MICU3: variants seen among roughly 807,000 people sequenced by gnomAD.
MICU3 encodes the protein mitochondrial calcium uptake 3.
MICU3 carries 62 observed loss-of-function variants against 66.5 expected under a neutral mutation model. The ratio of observed to expected loss-of-function variants is 0.93; its 90% CI spans 0.76 to 1.15. The LOEUF (loss-of-function observed/expected upper bound fraction) is 1.15, where lower values mean the gene tolerates loss of function less well. Ranked by LOEUF, MICU3 falls within the 50% of genes most tolerant of loss-of-function variation. The pLI, the probability that MICU3 is intolerant of heterozygous loss-of-function variation, is 0.00. For missense variants in MICU3, 779 were observed against 664.4 expected (o/e 1.17, Z -1.90); for synonymous variants, 308 against 240.7 (o/e 1.28, Z -2.59).
At chr8:17,058,102 G>A (rs890801936) in intron 1 of MICU3, among the ~76,000 whole-genome samples, 4 of 152,010 alleles carry the variant, frequency 2.6e-5, no homozygotes, top group African/African-American at 7.3e-5. Context: ...CACCCGCCTC[G>A]GCCTCCAAAA....
At chr8:17,093,940 T>C (rs1043667866) in intron 8 of MICU3, among the ~76,000 whole-genome samples, 3 of 151,958 alleles carry the variant, frequency 2.0e-5, no homozygotes, top group Non-Finnish European at 2.9e-5. Context: ...ATAACCACCA[T>C]AGTATAGATC....
chr8:17,080,262 T>C (rs1820985528), intron 4 of MICU3, among the ~76,000 whole-genome samples: 1 of 152,154 alleles, frequency 6.6e-6, no homozygotes, highest in African/African-American at 2.4e-5. Context: ...TTCATTTTTC[T>C]TCCCTGTGGT....
At chr8:17,079,673 T>C (rs1820883587) in intron 4 of MICU3, among the ~76,000 whole-genome samples, 1 of 152,028 alleles carries the variant, frequency 6.6e-6, no homozygotes, top group South Asian at 2.1e-4. Context: ...TTTTGAGTTT[T>C]TGTAGAGACA....
intron 7 of MICU3, among the ~76,000 whole-genome samples, chr8:17,087,973 T>C (rs904948992): frequency 6.6e-6 from 1 of 152,062 alleles, no homozygotes; most frequent in Non-Finnish European, 1.5e-5. Context: ...TTCAGATAAC[T>C]AACTTCAGAG....
At chr8:17,092,865 A>G (rs1399296664) in intron 8 of MICU3, among the ~76,000 whole-genome samples, 1 of 152,048 alleles carries the variant, frequency 6.6e-6, no homozygotes, top group Non-Finnish European at 1.5e-5. Flanking sequence ...TCAAGTGTCT[A>G]ATCTGAGTAT....
At chr8:17,027,962 C>T (rs1336940599) in intron 1 of MICU3, among the ~76,000 whole-genome samples, 1 of 152,110 alleles carries the variant, frequency 6.6e-6, no homozygotes. Context: ...AAATGAAGGC[C>T]ATGACAGGCA....
chr8:17,103,879 A>G (rs374198040), intron 9 of MICU3, among the ~76,000 whole-genome samples: 39 of 151,886 alleles, frequency 2.6e-4, no homozygotes, highest in African/African-American at 8.9e-4. Context: ...TTAAAGTATC[A>G]TAACTGTGGA....
rs140822922 is a variant in MICU3 at position 17,070,183 on chromosome 8, G to A, written c.567+464G>A. 8.4e-3 allele frequency among the ~76,000 whole-genome samples: 1,278 copies of A among 152,022 alleles called. 12 individuals are homozygous for A. The highest frequency in any genetic ancestry group is 0.029 in the African/African-American group (1,207 of 41,508). On this transcript the variant is annotated intron_variant, in intron 3 of 14. Transcript: ENST00000318063. ...CTAGGGAAATTCTTGCTTATATGCA[G>A]GAGAGGTTCACAAGAATGTTTATAG...
chr8:17,046,393 G>C (rs1237045508), intron 1 of MICU3, among the ~76,000 whole-genome samples: 1 of 152,164 alleles, frequency 6.6e-6, no homozygotes, highest in African/African-American at 2.4e-5. Flanking sequence ...TGGTCTGAGA[G>C]CAGAGGAAAA....
chr8:17,104,480 A>G lies in MICU3; in HGVS notation c.1074A>G (p.Glu358=), dbSNP rs758140362. 2 of 1,432,432 alleles carry G rather than the reference A, an allele frequency of 1.4e-6. No homozygotes were observed. Among genetic ancestry groups the G allele is most frequent in the East Asian group, 4.7e-5 (2 of 42,170 alleles). The allele number at this position is 1,432,432 out of a possible 1,614,324, so 88.7% of individuals were successfully genotyped here. ...GKKGKAELNF[E]DFYRFMDNLQ... is the part of the protein sequence containing the mutation. ...AAGGAAAAGCTGAGCTCAACTTTGA[A>G]GATTTTTATAGGTGAGCTTATTTTT... Residue 358 remains glutamate (E), a synonymous_variant, in exon 10 of 15, where the codon GAA becomes GAG. Transcript: ENST00000318063.
At chr8:17,116,961 T>A (rs1802743383) in intron 13 of MICU3, among the ~76,000 whole-genome samples, 1 of 152,152 alleles carries the variant, frequency 6.6e-6, no homozygotes, top group Admixed American at 6.5e-5. Context: ...TTTGTCACTT[T>A]ATTTTATTTT....
chr8:17,138,415 G>A, the MICU3 span, among the ~76,000 whole-genome samples: 12 of 152,238 alleles, frequency 7.9e-5, 1 homozygote, highest in South Asian at 1.0e-3. Context: ...GGTGGACCAC[G>A]AGGAAATGAC....
At chr8:17,096,436 C>T (rs973176463) in intron 8 of MICU3, among the ~76,000 whole-genome samples, 2 of 151,926 alleles carry the variant, frequency 1.3e-5, no homozygotes, top group Non-Finnish European at 2.9e-5. Flanking sequence ...TTAACTTCAT[C>T]GTTCAAATTG....
intron 1 of MICU3, among the ~76,000 whole-genome samples, chr8:17,048,700 C>G (rs1001593827): frequency 6.6e-6 from 1 of 152,204 alleles, no homozygotes; most frequent in African/African-American, 2.4e-5. Context: ...ACTGCAGCCC[C>G]AACCTCCTGG....
intron 13 of MICU3, 22 bp downstream of exon 13, chr8:17,116,622 C>T: frequency 6.7e-7 from 1 of 1,499,496 alleles, no homozygotes; most frequent in Non-Finnish European, 8.9e-7. Flanking sequence ...CATTTTAAAC[C>T]TATTGATATC....
chr8:17,115,546 C>G (rs1449092731), intron 12 of MICU3, among the ~76,000 whole-genome samples: 2 of 152,152 alleles, frequency 1.3e-5, no homozygotes, highest in African/African-American at 2.4e-5. Flanking sequence ...AGAAATACGT[C>G]CATCTCTTTT....
At chr8:17,102,629 A>C (rs985565778) in intron 9 of MICU3, 3 of 151,960 alleles carry the variant, frequency 2.0e-5, no homozygotes, top group Admixed American at 6.6e-5. Flanking sequence ...TACTCCAATT[A>C]TACTAGTCTC....
At chr8:17,105,068 G>C (rs933588173) in intron 10 of MICU3, among the ~76,000 whole-genome samples, 1 of 147,832 alleles carries the variant, frequency 6.8e-6, no homozygotes, top group African/African-American at 2.4e-5. Flanking sequence ...ATATTCAGAA[G>C]AAAGTATGTT....
chr8:17,081,109 C>G (rs1029436988), intron 4 of MICU3, among the ~76,000 whole-genome samples: 2 of 152,050 alleles, frequency 1.3e-5, no homozygotes, highest in Non-Finnish European at 2.9e-5. Context: ...ATGCGATGTA[C>G]AGAAAGTATA....
Sources: allele counts gnomAD v4.1 joint callset (sites outside exome capture counted in the v4.1 genomes callset), GRCh38; gene constraint gnomAD v4.1.1; transcripts MANE v1.5; gene names NCBI Gene and HGNC (gene_info 2026-07-23, HGNC 2026-07-21).